Variants in PDGFD observed in about 807,000 individuals in gnomAD.
PDGFD encodes the protein platelet-derived growth factor D.
A neutral mutation model predicts 44.7 loss-of-function variants in PDGFD; 30 were observed. The observed-to-expected ratio is 0.67, with a 90% CI of 0.50 to 0.91. PDGFD has a LOEUF of 0.91. Among genes scored for constraint, PDGFD ranks in the 40% least tolerant of loss-of-function variants. PDGFD has a pLI of 0.00. For synonymous variants in PDGFD, 173 were observed against 168.4 expected, an observed-to-expected ratio of 1.03 and a Z score of -0.21; for missense variants, 445 against 457.8, an observed-to-expected ratio of 0.97 and a Z score of 0.25.
chr11:104,047,433 C>T (rs1445998053), intron 1 of PDGFD, among the ~76,000 whole-genome samples: 2 of 147,338 alleles, frequency 1.4e-5, no homozygotes, highest in East Asian at 3.9e-4. Context: ...GATTGCCATT[C>T]TAACTGGCAT....
intron 6 of PDGFD, among the ~76,000 whole-genome samples, chr11:103,919,578 G>A (rs1858178984): frequency 7.5e-6 from 1 of 133,516 alleles, no homozygotes; most frequent in South Asian, 2.4e-4. Flanking sequence ...GTGTGATCCC[G>A]GGTCACTGCA....
chr11:104,052,870 C>T (rs1860563003), intron 1 of PDGFD, among the ~76,000 whole-genome samples: 1 of 151,396 alleles, frequency 6.6e-6, no homozygotes, highest in Non-Finnish European at 1.5e-5. Context: ...AACTTCTTTC[C>T]CTCTCTCATG....
intron 1 of PDGFD, chr11:104,038,292 T>A (rs1860287886): frequency 2.6e-6 from 1 of 390,560 alleles, no homozygotes; most frequent in Non-Finnish European, 4.8e-6. Context: ...AACCAGCTTC[T>A]TCCTTTAGAG....
At chr11:104,158,123 C>T (rs752999314) in intron 1 of PDGFD, among the ~76,000 whole-genome samples, 17 of 152,192 alleles carry the variant, frequency 1.1e-4, no homozygotes, top group Non-Finnish European at 1.8e-4. Context: ...ATTCCTATCT[C>T]TCAAGTGCAT....
intron 1 of PDGFD, among the ~76,000 whole-genome samples, chr11:104,161,276 T>C (rs1224734282): frequency 6.6e-6 from 1 of 152,208 alleles, no homozygotes; most frequent in African/African-American, 2.4e-5. Context: ...TTATATTCCA[T>C]GTTCATGTCC....
intron 1 of PDGFD, chr11:104,037,078 G>A (rs1860254874): frequency 3.7e-6 from 6 of 1,614,122 alleles, no homozygotes; most frequent in Admixed American, 1.7e-5. Context: ...TCGGGCTCCA[G>A]GGCGTGCCCC....
At chr11:104,057,126 C>A (rs1860632402) in intron 1 of PDGFD, among the ~76,000 whole-genome samples, 1 of 152,024 alleles carries the variant, frequency 6.6e-6, no homozygotes, top group Non-Finnish European at 1.5e-5. Flanking sequence ...GACTTCGTCC[C>A]CTCCCCCTAC....
chr11:104,026,125 G>A (rs1327852767), intron 1 of PDGFD, among the ~76,000 whole-genome samples: 1 of 152,148 alleles, frequency 6.6e-6, no homozygotes, highest in Non-Finnish European at 1.5e-5. Context: ...TCCACCTGAT[G>A]AATACTGTAT....
intron 1 of PDGFD, among the ~76,000 whole-genome samples, chr11:104,089,458 T>C (rs1861179692): frequency 6.6e-6 from 1 of 152,178 alleles, no homozygotes; most frequent in Non-Finnish European, 1.5e-5. Flanking sequence ...ACACTGTTGT[T>C]TTTTTTCATG....
At chr11:103,982,935 A>C (rs1859294637) in intron 3 of PDGFD, among the ~76,000 whole-genome samples, 1 of 151,808 alleles carries the variant, frequency 6.6e-6, no homozygotes, top group Non-Finnish European at 1.5e-5. Flanking sequence ...AACAAATGGA[A>C]AAACATTCCA....
intron 1 of PDGFD, among the ~76,000 whole-genome samples, chr11:104,141,067 A>T (rs923771432): frequency 1.3e-5 from 2 of 152,080 alleles, no homozygotes; most frequent in Non-Finnish European, 2.9e-5. Flanking sequence ...CTCCAAACAC[A>T]ATTTACGGTG....
At chr11:104,109,672 T>C (rs1861523807) in intron 1 of PDGFD, among the ~76,000 whole-genome samples, 1 of 152,124 alleles carries the variant, frequency 6.6e-6, no homozygotes, top group Admixed American at 6.6e-5. Context: ...TCAAAATAAA[T>C]TAGAATAGTC....
At chr11:104,037,149 A>C in intron 1 of PDGFD, 1 of 1,613,798 alleles carries the variant, frequency 6.2e-7, no homozygotes. Context: ...GCTCCCGTCC[A>C]CAGCACCCTG....
intron 1 of PDGFD, among the ~76,000 whole-genome samples, chr11:104,007,538 G>C (rs1392180186): frequency 6.6e-6 from 1 of 152,174 alleles, no homozygotes; most frequent in Non-Finnish European, 1.5e-5. Context: ...ATAGTTGCAG[G>C]CTGTGCCATC....
chr11:104,023,365 C>A (rs748927597), intron 1 of PDGFD, among the ~76,000 whole-genome samples: 1 of 152,028 alleles, frequency 6.6e-6, no homozygotes, highest in African/African-American at 2.4e-5. Flanking sequence ...TTTAATGGCC[C>A]TTTTGCAATT....
At chr11:103,983,271 C>T (rs1190088524) in intron 3 of PDGFD, among the ~76,000 whole-genome samples, 1 of 151,656 alleles carries the variant, frequency 6.6e-6, no homozygotes, top group Non-Finnish European at 1.5e-5. Flanking sequence ...GACCACTCAC[C>T]TACAACTATC....
intron 1 of PDGFD, among the ~76,000 whole-genome samples, chr11:104,156,431 T>G (rs2119922062): frequency 6.6e-6 from 1 of 152,310 alleles, no homozygotes; most frequent in South Asian, 2.1e-4. Flanking sequence ...CGTGTTTGGC[T>G]TACTTTTATA....
chr11:104,055,984 A>T (rs567920406), intron 1 of PDGFD, among the ~76,000 whole-genome samples: 13 of 152,308 alleles, frequency 8.5e-5, no homozygotes, highest in African/African-American at 3.1e-4. Context: ...AAAAATCAAT[A>T]ATCAGAGCCA....
chr11:104,000,288 T>C, intron 1 of PDGFD, 33 bp from the exon 2 acceptor site: 2 of 1,562,864 alleles, frequency 1.3e-6, no homozygotes, highest in Middle Eastern at 1.8e-4. Context: ...GAAATTAGTA[T>C]GTTGCTCCAA....
Sources: allele counts gnomAD v4.1 joint callset (sites outside exome capture counted in the v4.1 genomes callset), GRCh38; gene constraint gnomAD v4.1.1; transcripts MANE v1.5; gene names NCBI Gene and HGNC (gene_info 2026-07-23, HGNC 2026-07-21).